The following NTRK2 variants were observed in gnomAD, a reference collection of about 807,000 sequenced individuals.
NTRK2 encodes the protein neurotrophic receptor tyrosine kinase 2.
A neutral mutation model predicts 94.5 loss-of-function variants in NTRK2; 13 were observed. The ratio of observed to expected loss-of-function variants is 0.14; its 90% CI spans 0.09 to 0.22. The LOEUF is 0.22. Among genes scored for constraint, NTRK2 ranks in the 10% least tolerant of loss-of-function variants. NTRK2 has a pLI of 1.00. For missense variants in NTRK2, 639 were observed against 1,071.2 expected, an observed-to-expected ratio of 0.60 and a Z score of 5.63; for synonymous variants, 372 against 407.4, an observed-to-expected ratio of 0.91 and a Z score of 1.05.
chr9:84,867,963 G>A (rs2075673284), intron 14 of NTRK2, among the ~76,000 whole-genome samples: 1 of 152,174 alleles, frequency 6.6e-6, no homozygotes, highest in Admixed American at 6.5e-5. Context: ...AAGAGACATG[G>A]CAGCAGATGA....
intron 15 of NTRK2, among the ~76,000 whole-genome samples, chr9:84,946,548 G>A (rs1011878412): frequency 6.6e-6 from 1 of 152,196 alleles, no homozygotes; most frequent in Non-Finnish European, 1.5e-5. Flanking sequence ...CAACCACTCT[G>A]GCCTGCAGTG....
chr9:84,774,686 A>T (rs759241226), intron 12 of NTRK2, among the ~76,000 whole-genome samples: 1 of 152,242 alleles, frequency 6.6e-6, no homozygotes, highest in African/African-American at 2.4e-5. Context: ...TCTTGGAGAA[A>T]CACATTCTGC....
chr9:84,885,903 C>T (rs1211369947), intron 14 of NTRK2, among the ~76,000 whole-genome samples: 5 of 151,886 alleles, frequency 3.3e-5, no homozygotes, highest in Non-Finnish European at 5.9e-5. Flanking sequence ...GTGGTGGCGG[C>T]GCCTGTAATC....
chr9:85,003,920 T>C (rs891893803), intron 17 of NTRK2, among the ~76,000 whole-genome samples: 9 of 148,792 alleles, frequency 6.0e-5, no homozygotes, highest in African/African-American at 2.3e-4. Flanking sequence ...TGATGACTTC[T>C]CGGGATTTAT....
chr9:84,944,120 T>C (rs1373107781), intron 15 of NTRK2, among the ~76,000 whole-genome samples: 1 of 151,954 alleles, frequency 6.6e-6, no homozygotes, highest in Non-Finnish European at 1.5e-5. Context: ...TTCCATATTT[T>C]GCTTTGGGGA....
At chr9:84,928,722 C>T (rs1361336877) in intron 14 of NTRK2, among the ~76,000 whole-genome samples, 1 of 152,162 alleles carries the variant, frequency 6.6e-6, no homozygotes, top group East Asian at 1.9e-4. Flanking sequence ...AGTTCTTTTC[C>T]TATCACAGTA....
intron 11 of NTRK2, among the ~76,000 whole-genome samples, chr9:84,751,248 A>C (rs1449691565): frequency 6.6e-6 from 1 of 152,184 alleles, no homozygotes; most frequent in Non-Finnish European, 1.5e-5. Flanking sequence ...CAGTAGAGAG[A>C]ATAGTAAAAT....
intron 17 of NTRK2, among the ~76,000 whole-genome samples, chr9:84,978,786 T>A (rs1827224163): frequency 6.6e-6 from 1 of 152,268 alleles, no homozygotes; most frequent in Non-Finnish European, 1.5e-5. Flanking sequence ...TGTTAGGGGC[T>A]AATGCAGCTG....
At chr9:84,709,961 CTG>C (rs35954183) in intron 5 of NTRK2, among the ~76,000 whole-genome samples, 6,002 of 115,134 alleles carry the variant, frequency 0.052, 138 homozygotes, top group Non-Finnish European at 0.059. Flanking sequence ...ATAGCTTGCT[CTG>C]TGTGTGTGTG....
At chr9:84,859,885 G>A (rs1274530628) in intron 12 of NTRK2, among the ~76,000 whole-genome samples, 2 of 152,166 alleles carry the variant, frequency 1.3e-5, no homozygotes, top group East Asian at 1.9e-4. Context: ...TCAAGGCTAG[G>A]CCTTCATCTC....
intron 2 of NTRK2, among the ~76,000 whole-genome samples, chr9:84,698,774 T>C (rs984212000): frequency 1.3e-5 from 2 of 152,234 alleles, no homozygotes; most frequent in Non-Finnish European, 2.9e-5. Flanking sequence ...TAATTTACAT[T>C]TCACATTTCT....
At chr9:84,774,854 T>A (rs1419892878) in intron 12 of NTRK2, among the ~76,000 whole-genome samples, 1 of 151,982 alleles carries the variant, frequency 6.6e-6, no homozygotes, top group African/African-American at 2.4e-5. Flanking sequence ...GTCTCCCCAG[T>A]TGTAATTTTG....
intron 12 of NTRK2, among the ~76,000 whole-genome samples, chr9:84,819,440 C>T (rs2072639372): frequency 1.3e-5 from 2 of 152,182 alleles, no homozygotes; most frequent in Non-Finnish European, 2.9e-5. Context: ...TGCTTCCAGG[C>T]TTTTCAAAGA....
intron 2 of NTRK2, among the ~76,000 whole-genome samples, chr9:84,692,482 T>C (rs75487912): frequency 7.1e-6 from 1 of 141,426 alleles, no homozygotes; most frequent in Non-Finnish European, 1.5e-5. Flanking sequence ...TTTTTTTTTT[T>C]TTTTTTGAGA....
chr9:84,943,030 T>C (rs1464478790), intron 15 of NTRK2, among the ~76,000 whole-genome samples: 1 of 152,214 alleles, frequency 6.6e-6, no homozygotes, highest in Non-Finnish European at 1.5e-5. Context: ...TTTTAAACAC[T>C]ATGGTGGGAA....
At chr9:84,895,346 A>AT (rs2076727065) in intron 14 of NTRK2, among the ~76,000 whole-genome samples, 1 of 152,196 alleles carries the variant, frequency 6.6e-6, no homozygotes, top group Non-Finnish European at 1.5e-5. Flanking sequence ...GCAGCCTTTC[A>AT]TAAAAGTCTT....
In NTRK2 at chr9:85,025,755, A is replaced by G. The variant is rs536679994; in HGVS notation, c.*4318A>G. 2.6e-5 allele frequency: 6 copies of G among 233,134 alleles called. No individual in the cohort carries two copies. In the South Asian group the frequency reaches 9.0e-4, roughly 35 times the overall value. 14.4% of individuals were successfully genotyped at this position (233,134 alleles called of 1,614,324 possible). A position where few individuals can be genotyped will look rare whatever the true frequency, so the allele number is the denominator to read the frequency against. ...TTTGGTTTGGCCATATATCACTGTT[A>G]TAGGAAATCTCATGAGAGGAATGGC... On this transcript the variant is annotated 3_prime_UTR_variant, in exon 19 of 19. Coordinates refer to ENST00000277120, the MANE Select transcript of NTRK2 (RefSeq NM_006180.6).
chr9:84,860,530 C>T (rs1217962876), intron 12 of NTRK2, among the ~76,000 whole-genome samples: 3 of 151,956 alleles, frequency 2.0e-5, no homozygotes, highest in African/African-American at 4.8e-5. Context: ...CTTTTTTTAC[C>T]GTCTGTCTCA....
chr9:84,700,911 C>T (rs938923818), intron 2 of NTRK2, among the ~76,000 whole-genome samples: 7 of 152,164 alleles, frequency 4.6e-5, no homozygotes, highest in African/African-American at 1.4e-4. Context: ...TCCATCTGTC[C>T]ATCCATCCGT....
Sources: gnomAD v4.1 joint callset for allele counts (sites outside exome capture counted in the v4.1 genomes callset) on GRCh38, gnomAD v4.1.1 for gene constraint, MANE v1.5 for transcripts, NCBI Gene and HGNC (gene_info 2026-07-23, HGNC 2026-07-21) for gene names.